SGO1: variants seen among roughly 807,000 people sequenced by gnomAD.
The protein encoded by SGO1 is serologically defined breast cancer antigen NY-BR-85.
SGO1 carries 39 observed loss-of-function variants against 50.5 expected under a neutral mutation model. The ratio of observed to expected loss-of-function variants is 0.77; its 90% confidence interval spans 0.60 to 1.01. The LOEUF is 1.01. SGO1 is among the 50% of genes least tolerant of loss of function. SGO1 has a pLI of 0.00. For synonymous variants in SGO1, 191 were observed against 205.1 expected, an observed-to-expected ratio of 0.93 and a Z score of 0.59; for missense variants, 638 against 606.0, an observed-to-expected ratio of 1.05 and a Z score of -0.55.
chr3:20,173,248 C>T (rs1700976226), intron 6 of SGO1, among the ~76,000 whole-genome samples: 1 of 151,964 alleles, frequency 6.6e-6, no homozygotes, highest in African/African-American at 2.4e-5. Context: ...TCTTTTTCTC[C>T]TGCCTCAGCC....
At chr3:20,171,400 G>A (rs1257732645) in intron 6 of SGO1, 168 bp from the exon 7 acceptor site, 2 of 485,594 alleles carry the variant, frequency 4.1e-6, no homozygotes, top group Non-Finnish European at 7.0e-6. Flanking sequence ...GTGCAGTGGT[G>A]TGATCTCAGC....
At chr3:20,169,108 A>C, downstream of SGO1, 1 of 985,378 alleles carries the variant, frequency 1.0e-6, no homozygotes, top group Non-Finnish European at 1.2e-6. Context: ...CGGATAGAAA[A>C]ATTTGGGATG....
At chr3:20,182,191 GTA>G (rs139746450) in intron 3 of SGO1, among the ~76,000 whole-genome samples, 1,805 of 152,082 alleles carry the variant, frequency 0.012, 35 homozygotes, top group African/African-American at 0.041. Context: ...GTCTATGTGT[GTA>G]TATATGTATA....
chr3:20,175,295 C>T (rs1351061166), intron 5 of SGO1, among the ~76,000 whole-genome samples: 1 of 152,086 alleles, frequency 6.6e-6, no homozygotes, highest in Non-Finnish European at 1.5e-5. Context: ...GTTCAGTATC[C>T]CTAATCTGAA....
rs1475980465 is a variant in SGO1 at position 20,174,445 on chromosome 3, G to T, written c.1086C>A (p.Asn362Lys). The change falls in exon 6 of 8, where the codon AAC becomes AAA. Residue 362 changes from asparagine (N) to lysine (K), a missense_variant. Asn to Lys is a moderately conservative substitution (Grantham distance 94). Transcript: ENST00000412997. ...VSNDSNREEN[N>K]ESEVSLCESS... ...ATTCACAGAGGCTCACTTCAGACTCGTTGTTTTCTTCTCTATTAGAGTCAT... is the reference window on the plus strand; with the variant it reads ...ATTCACAGAGGCTCACTTCAGACTCTTTGTTTTCTTCTCTATTAGAGTCAT... 6.2e-7 allele frequency: 1 copy of T among 1,614,002 alleles called. No individual in the cohort carries two copies. Among genetic ancestry groups the T allele is most frequent in the Middle Eastern group, 1.6e-4 (1 of 6,062 alleles).
intron 3 of SGO1, among the ~76,000 whole-genome samples, chr3:20,180,611 G>C (rs1386489111): frequency 6.6e-6 from 1 of 152,084 alleles, no homozygotes; most frequent in East Asian, 1.9e-4. Context: ...CCTTTAGTAG[G>C]AACAGGGGCC....
chr3:20,169,021 G>A (rs74413606), downstream of SGO1: 160,052 of 984,170 alleles, frequency 0.16, 13,750 homozygotes, highest in Admixed American at 0.18. Flanking sequence ...TAAGTATGAA[G>A]GGAGTAGTAA....
downstream of SGO1, chr3:20,169,389 A>G (rs1700496180): frequency 1.0e-6 from 1 of 984,670 alleles, no homozygotes; most frequent in African/African-American, 1.7e-5. Flanking sequence ...AGAGAATACC[A>G]AGGGGAGGGG....
At chr3:20,178,375 T>A in intron 3 of SGO1, 28 bp from the exon 4 acceptor site, 1 of 1,475,460 alleles carries the variant, frequency 6.8e-7, no homozygotes, top group African/African-American at 1.4e-5. Context: ...CAAAACACTG[T>A]TATAACTGAA....
At chr3:20,181,127 A>G (rs1296131834) in intron 3 of SGO1, among the ~76,000 whole-genome samples, 1 of 152,226 alleles carries the variant, frequency 6.6e-6, no homozygotes, top group Non-Finnish European at 1.5e-5. Context: ...ACTGCACCCC[A>G]GGCTGGGTAA....
downstream of SGO1, among the ~76,000 whole-genome samples, chr3:20,167,059 C>G (rs2125240346): frequency 6.6e-6 from 1 of 151,834 alleles, no homozygotes; most frequent in East Asian, 1.9e-4. Context: ...ATTTACCACC[C>G]CTACCAACAC....
chr3:20,163,007 T>TA (rs1700118204), intron 8 of SGO1, among the ~76,000 whole-genome samples: 2 of 152,058 alleles, frequency 1.3e-5, no homozygotes, highest in Non-Finnish European at 2.9e-5. Flanking sequence ...AAGGAAAACT[T>TA]ACAGCATTAA....
intron 6 of SGO1, among the ~76,000 whole-genome samples, chr3:20,171,992 C>T (rs188794332): frequency 3.9e-5 from 6 of 152,296 alleles, no homozygotes; most frequent in East Asian, 1.9e-4. Context: ...AAAGTAAAAA[C>T]TATAACTGTG....
downstream of SGO1, among the ~76,000 whole-genome samples, chr3:20,167,170 T>TG: frequency 6.6e-6 from 1 of 152,028 alleles, no homozygotes; most frequent in East Asian, 1.9e-4. Flanking sequence ...TATTCAGCAG[T>TG]GGGGAAAGAA....
intron 8 of SGO1, among the ~76,000 whole-genome samples, chr3:20,161,607 T>A (rs1010446725): frequency 1.3e-5 from 2 of 152,180 alleles, no homozygotes; most frequent in Admixed American, 1.3e-4. Flanking sequence ...ATATTGGTTT[T>A]GGTCACTGAG....
intron 3 of SGO1, among the ~76,000 whole-genome samples, chr3:20,181,544 C>A (rs532414365): frequency 3.1e-4 from 47 of 152,300 alleles, no homozygotes; most frequent in African/African-American, 1.1e-3. Flanking sequence ...ATTTGCGTAG[C>A]AACTAACAAT....
At chr3:20,182,169 T>G (rs1702087617) in intron 3 of SGO1, among the ~76,000 whole-genome samples, 1 of 152,058 alleles carries the variant, frequency 6.6e-6, no homozygotes, top group Non-Finnish European at 1.5e-5. Flanking sequence ...ATATACCATA[T>G]ATGTACTTAT....
chr3:20,173,273 G>A (rs1700981037), intron 6 of SGO1, among the ~76,000 whole-genome samples: 2 of 151,966 alleles, frequency 1.3e-5, no homozygotes, highest in South Asian at 4.2e-4. Flanking sequence ...GAGTAGCTGG[G>A]ATTACCGGCA....
intron 6 of SGO1, among the ~76,000 whole-genome samples, chr3:20,173,268 G>C (rs961112520): frequency 1.3e-5 from 2 of 151,944 alleles, no homozygotes; most frequent in South Asian, 2.1e-4. Flanking sequence ...CTCCCGAGTA[G>C]CTGGGATTAC....
Sources: allele counts gnomAD v4.1 joint callset (sites outside exome capture counted in the v4.1 genomes callset), GRCh38; gene constraint gnomAD v4.1.1; transcripts MANE v1.5; gene names NCBI Gene and HGNC (gene_info 2026-07-23, HGNC 2026-07-21).